ANO4: variants seen among roughly 807,000 people sequenced by gnomAD.
ANO4 encodes anoctamin-4.
ANO4 carries 69 observed loss-of-function variants against 141.9 expected under a neutral mutation model. The ratio of observed to expected loss-of-function variants is 0.49; its 90% confidence interval spans 0.40 to 0.59. The LOEUF (loss-of-function observed/expected upper bound fraction) is 0.59. Among genes scored for constraint, ANO4 ranks in the 20% least tolerant of loss-of-function variants. The probability of loss-of-function intolerance (pLI) is 0.00; values close to 1 mark genes in which losing one functional copy is unlikely to be tolerated. For synonymous variants in ANO4, 350 were observed against 394.3 expected, an observed-to-expected ratio of 0.89 and a Z score of 1.33; for missense variants, 894 against 1,162.2, an observed-to-expected ratio of 0.77 and a Z score of 3.36.
intron 1 of ANO4, among the ~76,000 whole-genome samples, chr12:100,861,102 T>C (rs2038449758): frequency 6.6e-6 from 1 of 152,196 alleles, no homozygotes; most frequent in African/African-American, 2.4e-5. Flanking sequence ...ACCACCCATG[T>C]CCTGCTGATT....
At chr12:101,123,294 ACTT>A (rs2051168785) in intron 26 of ANO4, among the ~76,000 whole-genome samples, 1 of 152,150 alleles carries the variant, frequency 6.6e-6, no homozygotes, top group Non-Finnish European at 1.5e-5. Flanking sequence ...TTCAGACAAA[ACTT>A]CTTGTTGTTT....
At chr12:100,993,906 A>G (rs1034638245) in intron 8 of ANO4, among the ~76,000 whole-genome samples, 3 of 152,338 alleles carry the variant, frequency 2.0e-5, no homozygotes, top group African/African-American at 7.2e-5. Flanking sequence ...TCGAACAGGA[A>G]GGCTCTAGGT....
At chr12:100,797,513 C>T (rs1230019597) in intron 1 of ANO4, among the ~76,000 whole-genome samples, 1 of 152,148 alleles carries the variant, frequency 6.6e-6, no homozygotes, top group Admixed American at 6.5e-5. Flanking sequence ...GATGAAGTCA[C>T]TGCAACATTT....
chr12:100,966,117 T>TA (rs557416945), intron 5 of ANO4, among the ~76,000 whole-genome samples: 125 of 152,298 alleles, frequency 8.2e-4, no homozygotes, highest in Non-Finnish European at 1.4e-3. Flanking sequence ...CAAAGACTGA[T>TA]AAATCCTTCC....
chr12:101,013,390 T>A (rs2046185399), intron 8 of ANO4, among the ~76,000 whole-genome samples: 2 of 152,134 alleles, frequency 1.3e-5, no homozygotes, highest in South Asian at 4.1e-4. Flanking sequence ...AGAGACTCAA[T>A]GAATTACCCA....
chr12:100,777,745 A>G (rs2033573446), intron 3 of ANO4, among the ~76,000 whole-genome samples: 1 of 152,092 alleles, frequency 6.6e-6, no homozygotes, highest in Non-Finnish European at 1.5e-5. Flanking sequence ...TAGCATTTAT[A>G]AAGACTATTT....
chr12:100,736,025 A>C (rs2031593503), intron 2 of ANO4, among the ~76,000 whole-genome samples: 1 of 152,138 alleles, frequency 6.6e-6, no homozygotes, highest in African/African-American at 2.4e-5. Flanking sequence ...ATAATGACAG[A>C]GGTAGGAGAA....
chr12:100,854,592 A>T (rs529891072), intron 1 of ANO4, among the ~76,000 whole-genome samples: 1 of 152,128 alleles, frequency 6.6e-6, no homozygotes, highest in Admixed American at 6.5e-5. Context: ...TCCCAGGTGT[A>T]TCACCTCCCT....
intron 3 of ANO4, among the ~76,000 whole-genome samples, chr12:100,750,204 G>A (rs1309545328): frequency 6.6e-6 from 1 of 151,130 alleles, no homozygotes; most frequent in Non-Finnish European, 1.5e-5. Context: ...GCATGATCTT[G>A]GCTCACTGCA....
intron 22 of ANO4, among the ~76,000 whole-genome samples, chr12:101,105,530 A>T (rs2050405496): frequency 6.6e-6 from 1 of 152,210 alleles, no homozygotes; most frequent in Non-Finnish European, 1.5e-5. Flanking sequence ...TAGTTTGCTG[A>T]CCCTTGATCT....
At chr12:100,726,543 T>C (rs937111121) in intron 1 of ANO4, among the ~76,000 whole-genome samples, 1 of 152,238 alleles carries the variant, frequency 6.6e-6, no homozygotes, top group Non-Finnish European at 1.5e-5. Context: ...TTAATGAGAC[T>C]GCAAATCATT....
chr12:100,722,529 G>C (rs374338041), intron 1 of ANO4, among the ~76,000 whole-genome samples: 6 of 152,182 alleles, frequency 3.9e-5, no homozygotes, highest in African/African-American at 1.4e-4. Context: ...TTCTTTACAA[G>C]GCCCCCTCTC....
intron 8 of ANO4, among the ~76,000 whole-genome samples, chr12:101,002,282 C>T (rs867934567): frequency 4.4e-4 from 67 of 152,188 alleles, no homozygotes; most frequent in African/African-American, 1.4e-3. Flanking sequence ...ATATTCGTAG[C>T]GCATGGATTG....
chr12:100,835,341 A>G (rs1593466159), intron 1 of ANO4, among the ~76,000 whole-genome samples: 1 of 152,098 alleles, frequency 6.6e-6, no homozygotes, highest in Non-Finnish European at 1.5e-5. Flanking sequence ...AATGTGTGAG[A>G]AGGAGCAGGA....
chr12:100,815,337 T>C (rs917338151), intron 1 of ANO4, among the ~76,000 whole-genome samples: 1 of 152,190 alleles, frequency 6.6e-6, no homozygotes. Flanking sequence ...GATATAATCA[T>C]TGACTTTGAC....
chr12:100,919,666 G>A (rs114729495), intron 2 of ANO4, among the ~76,000 whole-genome samples: 5,556 of 138,922 alleles, frequency 0.04, 293 homozygotes, highest in African/African-American at 0.13. Context: ...CTTGGGACAT[G>A]TCTCTGTGTG....
At chr12:100,930,331 T>G (rs2042039161) in intron 3 of ANO4, among the ~76,000 whole-genome samples, 1 of 152,186 alleles carries the variant, frequency 6.6e-6, no homozygotes, top group Non-Finnish European at 1.5e-5. Flanking sequence ...GATTTAAGTC[T>G]TTAATCCATT....
intron 14 of ANO4, chr12:101,066,778 C>T (rs939986169): frequency 3.6e-6 from 4 of 1,121,300 alleles, no homozygotes; most frequent in Non-Finnish European, 5.5e-6. Flanking sequence ...AGGAGGACCA[C>T]AGGAAGCTGA....
At chr12:101,057,508 C>A (rs972092272) in intron 14 of ANO4, among the ~76,000 whole-genome samples, 2 of 152,216 alleles carry the variant, frequency 1.3e-5, no homozygotes, top group African/African-American at 4.8e-5. Context: ...TATTTCTCCA[C>A]ATCCTCTCCA....
Sources: gnomAD v4.1 joint callset for allele counts (sites outside exome capture counted in the v4.1 genomes callset) on GRCh38, gnomAD v4.1.1 for gene constraint, MANE v1.5 for transcripts, NCBI Gene and HGNC (gene_info 2026-07-23, HGNC 2026-07-21) for gene names.